The following G3BP2 variants were observed in gnomAD, a reference collection of about 807,000 sequenced individuals.
The protein encoded by G3BP2 is G3BP stress granule assembly factor 2, also known as ras GTPase-activating protein-binding protein 2.
G3BP2 carries 11 observed loss-of-function variants against 56.7 expected under a neutral mutation model. The ratio of observed to expected loss-of-function variants is 0.19; its 90% CI spans 0.12 to 0.32. G3BP2 has a LOEUF of 0.32. Among genes scored for constraint, G3BP2 ranks in the 10% least tolerant of loss-of-function variants. G3BP2 has a pLI of 1.00. For synonymous variants in G3BP2, 165 were observed against 191.6 expected (o/e 0.86, Z 1.15); for missense variants, 340 against 610.9 (o/e 0.56, Z 4.67).
chr4:75,680,204 GGTTT>G (rs1313920591), intron 3 of G3BP2, among the ~76,000 whole-genome samples: 8 of 152,092 alleles, frequency 5.3e-5, no homozygotes, highest in Non-Finnish European at 1.0e-4. Context: ...GAATTCCTGT[GGTTT>G]GTTCATCAGT....
At position 75,645,062 on chromosome 4, in the gene G3BP2, C is replaced by G. The variant is rs1230605717; in HGVS notation, c.*368G>C. On this transcript the variant is annotated 3_prime_UTR_variant, in exon 12 of 12. Transcript: ENST00000359707. ...TGCACAAATTGCACTATTTGTGTTC[C>G]CAGCATTAACAGGCAGAAACAGTAA... 4.8e-6 allele frequency: 1 copy of G among 207,260 alleles called. No individual in the cohort carries two copies. Among genetic ancestry groups the G allele is most frequent in the Non-Finnish European group, 9.6e-6 (1 of 104,212 alleles). 12.8% of individuals were successfully genotyped at this position (207,260 alleles called of 1,614,324 possible).
chr4:75,660,250 ATTAT>A (rs1022296266), intron 2 of G3BP2, among the ~76,000 whole-genome samples: 8 of 152,322 alleles, frequency 5.3e-5, no homozygotes, highest in South Asian at 2.1e-4. Context: ...GGCCCTATTA[ATTAT>A]TTATCTTCCC....
intron 3 of G3BP2, among the ~76,000 whole-genome samples, chr4:75,700,712 C>A (rs1159144082): frequency 2.0e-5 from 3 of 149,888 alleles, no homozygotes; most frequent in Non-Finnish European, 4.4e-5. Flanking sequence ...AGCCACTGCG[C>A]CCAGCTGAGA....
At chr4:75,717,867 G>C (rs571785474) in intron 3 of G3BP2, among the ~76,000 whole-genome samples, 8 of 152,050 alleles carry the variant, frequency 5.3e-5, no homozygotes, top group East Asian at 1.9e-4. Flanking sequence ...TTGGCCAGGC[G>C]TGGTGGCTCA....
intron 3 of G3BP2, among the ~76,000 whole-genome samples, chr4:75,688,488 T>C (rs1394493961): frequency 6.6e-6 from 1 of 152,238 alleles, no homozygotes; most frequent in Non-Finnish European, 1.5e-5. Flanking sequence ...CTGTTTTCAA[T>C]GTTCCAGTTG....
At chr4:75,650,278 T>C (rs1040820115) in intron 8 of G3BP2, among the ~76,000 whole-genome samples, 3 of 150,288 alleles carry the variant, frequency 2.0e-5, no homozygotes, top group African/African-American at 7.4e-5. Context: ...CTACTAAAAA[T>C]ACAAAATCAG....
intron 6 of G3BP2, 125 bp downstream of exon 6, chr4:75,655,643 G>A: frequency 1.6e-6 from 1 of 623,488 alleles, no homozygotes; most frequent in Non-Finnish European, 2.9e-6. Flanking sequence ...TACACAATAG[G>A]TACTCAAATA....
chr4:75,713,702 T>A (rs1271093133), intron 3 of G3BP2, among the ~76,000 whole-genome samples: 2 of 152,132 alleles, frequency 1.3e-5, no homozygotes, highest in African/African-American at 4.8e-5. Context: ...AGCAGGAGGA[T>A]CCCTTGAGCC....
At chr4:75,660,634 G>T (rs62321017) in intron 2 of G3BP2, among the ~76,000 whole-genome samples, 3,283 of 152,294 alleles carry the variant, frequency 0.022, 52 homozygotes, top group Non-Finnish European at 0.033. Context: ...AAGTAAGACA[G>T]ATTACACGTA....
intron 5 of G3BP2, among the ~76,000 whole-genome samples, chr4:75,656,085 G>A (rs1002941459): frequency 1.8e-4 from 27 of 151,442 alleles, no homozygotes; most frequent in African/African-American, 5.6e-4. Context: ...CCGCCTTCTG[G>A]GTTCAAACGA....
intron 1 of G3BP2, among the ~76,000 whole-genome samples, chr4:75,663,347 C>CCAGGCTCAGGCT (rs11272984): frequency 3.6e-4 from 55 of 151,590 alleles, no homozygotes; most frequent in East Asian, 7.8e-4. Flanking sequence ...GCCTCAACTG[C>CCAGGCTCAGGCT]CAGGCTCAGG....
rs149650683 is a variant in G3BP2 at position 75,717,974 on chromosome 4, A to G, written c.-25+2903T>C. Reference sequence around the variant, plus strand: ...GCCAACATGGTGAAACCCCGTCTCTACTAAAAATACAAAAATTAGCTGGGT... The same window carrying G: ...GCCAACATGGTGAAACCCCGTCTCTGCTAAAAATACAAAAATTAGCTGGGT... On this transcript the variant is annotated intron_variant, in intron 3 of 3. Transcript: ENST00000499709. Among the ~76,000 whole-genome samples, 524 of 152,068 alleles carry G rather than the reference A, an allele frequency of 3.4e-3. 3 individuals are homozygous for G. The highest frequency in any genetic ancestry group is 0.012 in the African/African-American group (477 of 41,472).
chr4:75,649,935 C>G (rs573478425), intron 8 of G3BP2, among the ~76,000 whole-genome samples: 2 of 151,330 alleles, frequency 1.3e-5, no homozygotes, highest in East Asian at 3.9e-4. Flanking sequence ...CGCTTGAACC[C>G]GGAAGACGGA....
At chr4:75,649,392 T>A (rs1302941458) in intron 8 of G3BP2, among the ~76,000 whole-genome samples, 1 of 152,194 alleles carries the variant, frequency 6.6e-6, no homozygotes, top group Non-Finnish European at 1.5e-5. Flanking sequence ...TTCTTCCTTA[T>A]GAGAAAAATA....
upstream of G3BP2, among the ~76,000 whole-genome samples, chr4:75,677,222 A>G (rs190256207): frequency 9.2e-5 from 14 of 152,298 alleles, no homozygotes; most frequent in African/African-American, 3.1e-4. Context: ...ACTGAATACT[A>G]AAAGATCAAC....
Position 75,643,772 on chromosome 4 carries a change from G to A in G3BP2, c.*1658C>T, listed in dbSNP as rs549541238. On this transcript the variant is annotated 3_prime_UTR_variant, in exon 12 of 12. Coordinates refer to ENST00000359707, the MANE Select transcript of G3BP2 (RefSeq NM_203505.3). ...GAATGGAGAAGTCTTCCATGCTAAC[G>A]AGCAGCTTTAAGTGGTCACACTTAT... 45 of 152,646 alleles carry A rather than the reference G, an allele frequency of 2.9e-4. No homozygotes were observed. Among genetic ancestry groups the A allele is most frequent in the African/African-American group, 1.0e-3 (42 of 41,542 alleles). 9.5% of individuals were successfully genotyped at this position (152,646 alleles called of 1,614,324 possible).
At chr4:75,668,757 T>C (rs1482207223) in intron 1 of G3BP2, among the ~76,000 whole-genome samples, 5 of 152,210 alleles carry the variant, frequency 3.3e-5, no homozygotes, top group Non-Finnish European at 7.3e-5. Flanking sequence ...TGAAACCCTA[T>C]GCATTTATCT....
chr4:75,671,347 A>C (rs998274976), intron 1 of G3BP2, among the ~76,000 whole-genome samples: 1 of 152,254 alleles, frequency 6.6e-6, no homozygotes, highest in Non-Finnish European at 1.5e-5. Flanking sequence ...AATTATGCGT[A>C]ATAAACAGCG....
At chr4:75,646,278 C>T in intron 11 of G3BP2, 60 bp downstream of exon 11, 1 of 773,610 alleles carries the variant, frequency 1.3e-6, no homozygotes. Context: ...TTAAATACCC[C>T]AAATTAATAT....
Sources: gnomAD v4.1 joint callset for allele counts (sites outside exome capture counted in the v4.1 genomes callset) on GRCh38, gnomAD v4.1.1 for gene constraint, MANE v1.5 for transcripts, NCBI Gene and HGNC (gene_info 2026-07-23, HGNC 2026-07-21) for gene names.